The following PDE4D variants were observed in gnomAD, a reference collection of about 807,000 sequenced individuals.
The protein encoded by PDE4D is 3',5'-cyclic-AMP phosphodiesterase 4D.
A neutral mutation model predicts 87.4 loss-of-function variants in PDE4D; 24 were observed. The ratio of observed to expected loss-of-function variants is 0.27; its 90% CI spans 0.20 to 0.39. The LOEUF (loss-of-function observed/expected upper bound fraction) is 0.39, where lower values mean the gene tolerates loss of function less well. Ranked by LOEUF, PDE4D falls within the 10% of genes least tolerant of loss-of-function variation. The pLI is 1.00. For missense variants in PDE4D, 714 were observed against 1,041.0 expected (o/e 0.69, Z 4.32); for synonymous variants, 384 against 383.2 (o/e 1.00, Z -0.02).
intron 1 of PDE4D, among the ~76,000 whole-genome samples, chr5:59,850,697 G>A (rs1744542286): frequency 6.6e-6 from 1 of 151,930 alleles, no homozygotes; most frequent in Admixed American, 6.6e-5. Flanking sequence ...TTTACCTGCA[G>A]GGTTATAACC....
intron 1 of PDE4D, among the ~76,000 whole-genome samples, chr5:59,342,986 T>C (rs987986520): frequency 7.4e-5 from 7 of 95,174 alleles, no homozygotes; most frequent in African/African-American, 3.6e-4. Context: ...TTTTTTGGTT[T>C]TGTTATTATT....
At chr5:59,296,772 AACACACACAC>A (rs10560642) in intron 1 of PDE4D, among the ~76,000 whole-genome samples, 5 of 149,950 alleles carry the variant, frequency 3.3e-5, no homozygotes, top group Admixed American at 1.3e-4. Context: ...AGAAATTAGT[AACACACACAC>A]ACACACACAC....
At chr5:60,015,801 T>C (rs1033022636) in intron 2 of PDE4D, among the ~76,000 whole-genome samples, 2 of 152,038 alleles carry the variant, frequency 1.3e-5, no homozygotes, top group Non-Finnish European at 2.9e-5. Flanking sequence ...CGGATTTGAG[T>C]TGCAAAATCC....
chr5:60,302,510 T>G (rs1376584893), intron 1 of PDE4D, among the ~76,000 whole-genome samples: 1 of 152,216 alleles, frequency 6.6e-6, no homozygotes, highest in Non-Finnish European at 1.5e-5. Flanking sequence ...GAGTCAGTGG[T>G]GATATCCCCC....
chr5:59,433,784 G>T (rs918155518), intron 1 of PDE4D, among the ~76,000 whole-genome samples: 3 of 151,958 alleles, frequency 2.0e-5, no homozygotes, highest in African/African-American at 7.3e-5. Context: ...AAGAAAAGGA[G>T]AACTCACATG....
chr5:59,983,748 T>C (rs185146919), intron 3 of PDE4D, among the ~76,000 whole-genome samples: 35 of 152,250 alleles, frequency 2.3e-4, no homozygotes, highest in Admixed American at 3.9e-4. Context: ...CTACTACGTA[T>C]TGCTGGTGGG....
Position 59,248,041 on chromosome 5 carries a change from GTAAA to G in PDE4D, c.456-32077_456-32074del, listed in dbSNP as rs1374538271. ...ATTTTATTGGATACCGTATCTATTA[GTAAA>G]AAAAAAAAAAAAAAAAAAAAAAAAA... is the stretch of plus-strand genomic sequence containing the variant. On this transcript the variant is annotated intron_variant, in intron 1 of 14. Transcript: ENST00000340635. 1.9e-3 allele frequency among the ~76,000 whole-genome samples: 92 copies of G among 47,848 alleles called. 1 individual carries two copies. The highest frequency in any genetic ancestry group is 6.2e-3 in the African/African-American group (87 of 13,952). The allele number at this position is 47,848 out of a possible 152,430, so 31.4% of individuals were successfully genotyped here.
chr5:60,362,311 G>A (rs1760141950), intron 1 of PDE4D, among the ~76,000 whole-genome samples: 1 of 152,176 alleles, frequency 6.6e-6, no homozygotes, highest in African/African-American at 2.4e-5. Context: ...GTCTTAAAAA[G>A]ATGAGTAGAA....
At chr5:60,431,931 G>A (rs1207837040) in intron 1 of PDE4D, among the ~76,000 whole-genome samples, 1 of 152,258 alleles carries the variant, frequency 6.6e-6, no homozygotes, top group Admixed American at 6.5e-5. Flanking sequence ...AAACCTGTCA[G>A]GTGTGGCGGC....
chr5:58,987,155 CCCTCCCCACTGATA>C (rs528873253), intron 11 of PDE4D, among the ~76,000 whole-genome samples: 50 of 152,154 alleles, frequency 3.3e-4, no homozygotes, highest in Admixed American at 4.6e-4. Context: ...ACATAATGAA[CCCTCCCCACTGATA>C]CCTCCCCACT....
chr5:60,215,108 T>C (rs1743702254), intron 1 of PDE4D, among the ~76,000 whole-genome samples: 1 of 152,198 alleles, frequency 6.6e-6, no homozygotes, highest in Non-Finnish European at 1.5e-5. Context: ...GAGAGCAGTA[T>C]GATTCACTCC....
chr5:59,748,355 T>C (rs1759926766), intron 1 of PDE4D, among the ~76,000 whole-genome samples: 1 of 152,170 alleles, frequency 6.6e-6, no homozygotes, highest in Non-Finnish European at 1.5e-5. Flanking sequence ...TGCACATGTA[T>C]GTTTATTGCA....
At chr5:60,360,173 GA>G (rs1759943977) in intron 1 of PDE4D, among the ~76,000 whole-genome samples, 2 of 152,168 alleles carry the variant, frequency 1.3e-5, no homozygotes, top group South Asian at 4.2e-4. Context: ...AGACAGGTGG[GA>G]TTGCTCACAC....
chr5:60,211,596 ATAT>A (rs1743236666), intron 1 of PDE4D, among the ~76,000 whole-genome samples: 1 of 150,130 alleles, frequency 6.7e-6, no homozygotes. Context: ...ATTTTTATTT[ATAT>A]TATATGAATA....
At chr5:59,484,095 G>T (rs994766875) in intron 1 of PDE4D, among the ~76,000 whole-genome samples, 1 of 152,142 alleles carries the variant, frequency 6.6e-6, no homozygotes, top group Non-Finnish European at 1.5e-5. Flanking sequence ...CAGCTCCTCT[G>T]GTTATGTTCT....
At chr5:59,093,675 G>GCCATCATT (rs1769154435) in intron 5 of PDE4D, among the ~76,000 whole-genome samples, 2 of 152,280 alleles carry the variant, frequency 1.3e-5, no homozygotes, top group African/African-American at 4.8e-5. Context: ...ATTGTTTCTT[G>GCCATCATT]CCATCATTGT....
intron 1 of PDE4D, chr5:60,430,080 G>A (rs1310544789): frequency 5.7e-6 from 3 of 523,862 alleles, no homozygotes; most frequent in Non-Finnish European, 1.1e-5. Context: ...TGTTGAGCCT[G>A]GTATCAAAGT....
chr5:60,103,115 G>A (rs563471933), intron 2 of PDE4D, among the ~76,000 whole-genome samples: 1 of 152,136 alleles, frequency 6.6e-6, no homozygotes, highest in Admixed American at 6.5e-5. Flanking sequence ...CTGCAGGGAG[G>A]TACCATGACT....
chr5:59,891,807 A>AC (rs1554106837), intron 1 of PDE4D, among the ~76,000 whole-genome samples: 1 of 151,710 alleles, frequency 6.6e-6, no homozygotes, highest in Non-Finnish European at 1.5e-5. Flanking sequence ...ACACACACAC[A>AC]AAACTCAAAC....
Sources: gnomAD v4.1 joint callset for allele counts (sites outside exome capture counted in the v4.1 genomes callset) on GRCh38, gnomAD v4.1.1 for gene constraint, MANE v1.5 for transcripts, NCBI Gene and HGNC (gene_info 2026-07-23, HGNC 2026-07-21) for gene names.